The following TMEM131 variants were observed in gnomAD, a reference collection of about 807,000 sequenced individuals.
The protein encoded by TMEM131 is 2610524E03Rik.
A neutral mutation model predicts 211.6 loss-of-function variants in TMEM131; 66 were observed. That is an observed-to-expected ratio of 0.31 (90% CI 0.26 to 0.38). The LOEUF (loss-of-function observed/expected upper bound fraction) is 0.38, where lower values mean the gene tolerates loss of function less well. TMEM131 is among the 10% of genes least tolerant of loss of function. The pLI, the probability that TMEM131 is intolerant of heterozygous loss-of-function variation, is 1.00. For missense variants in TMEM131, 2,036 were observed against 2,299.3 expected (o/e 0.89, Z 2.34); for synonymous variants, 844 against 841.3 (o/e 1.00, Z -0.06).
rs556791344 is a variant in TMEM131 at position 97,985,913 on chromosome 2, G to A, written c.187+9563C>T. On this transcript the variant is annotated intron_variant, in intron 1 of 40. Coordinates refer to ENST00000186436, the MANE Select transcript of TMEM131 (RefSeq NM_015348.2). ...AATATTGGTGAATATATAATCTTTA[G>A]GGGTGTTAAGGTATCAGAAAGGCAG... is the stretch of plus-strand genomic sequence containing the variant. 5.1e-4 allele frequency among the ~76,000 whole-genome samples: 78 copies of A among 151,488 alleles called. 1 individual carries two copies. The highest frequency in any genetic ancestry group is 1.8e-3 in the African/African-American group (74 of 41,304).
At chr2:97,815,415 A>C (rs1020780537) in intron 12 of TMEM131, 108 bp from the exon 13 acceptor site, 5 of 614,824 alleles carry the variant, frequency 8.1e-6, no homozygotes, top group Non-Finnish European at 1.3e-5. Flanking sequence ...TTGAGCTTCC[A>C]AATTGGCCAA....
intron 31 of TMEM131, among the ~76,000 whole-genome samples, chr2:97,780,285 C>T (rs1679935608): frequency 6.6e-6 from 1 of 152,100 alleles, no homozygotes; most frequent in Admixed American, 6.5e-5. Context: ...GCAATTTTAC[C>T]ATCAATCAAT....
chr2:97,850,853 C>G (rs1482952183), intron 5 of TMEM131, among the ~76,000 whole-genome samples: 5 of 152,042 alleles, frequency 3.3e-5, no homozygotes, highest in Admixed American at 3.3e-4. Flanking sequence ...AAACTGGTTT[C>G]CTTTAAGGTT....
chr2:97,892,877 G>A (rs1367219481), intron 3 of TMEM131, among the ~76,000 whole-genome samples: 1 of 151,926 alleles, frequency 6.6e-6, no homozygotes, highest in Non-Finnish European at 1.5e-5. Context: ...TATCCAGTAG[G>A]CCTACTATCA....
intron 11 of TMEM131, among the ~76,000 whole-genome samples, chr2:97,829,650 GC>G (rs914917105): frequency 2.0e-5 from 3 of 152,100 alleles, no homozygotes; most frequent in Admixed American, 2.0e-4. Context: ...TTGTTCTTTC[GC>G]TCTTAATAAA....
At chr2:97,871,596 C>T (rs184936169) in intron 4 of TMEM131, among the ~76,000 whole-genome samples, 6 of 152,270 alleles carry the variant, frequency 3.9e-5, no homozygotes, top group South Asian at 2.1e-4. Flanking sequence ...CTGACTCAAC[C>T]GGTCCTGTGG....
intron 1 of TMEM131, among the ~76,000 whole-genome samples, chr2:97,955,744 T>C (rs1678538010): frequency 6.6e-6 from 1 of 152,128 alleles, no homozygotes; most frequent in Admixed American, 6.5e-5. Flanking sequence ...AAACACCATT[T>C]ACAATCACTC....
rs76783713 is a variant in TMEM131, at chr2:97,851,367, G to C, written c.484-7106C>G. 1.0e-3 allele frequency among the ~76,000 whole-genome samples: 152 copies of C among 152,174 alleles called. 1 individual carries two copies. The highest frequency in any genetic ancestry group is 1.9e-3 in the Non-Finnish European group (126 of 68,002). Reference sequence around the variant, plus strand: ...TCAACTCTGTCCTTCTAGTTGCTCAGGACAAAATTCTAGAGTCAATTTTGA... The same window carrying C: ...TCAACTCTGTCCTTCTAGTTGCTCACGACAAAATTCTAGAGTCAATTTTGA... On this transcript the variant is annotated intron_variant, in intron 5 of 40. Transcript: ENST00000186436.
Position 97,814,108 on chromosome 2 carries a change from G to T in TMEM131, c.1480C>A (p.Pro494Thr). Residue 494 changes from proline (P) to threonine (T), a missense_variant, in exon 15 of 41, where the codon CCT becomes ACT. Around this residue, in one of 3 missense-constraint regions of TMEM131, gnomAD observed 1,623 missense variants for 1,805.9 expected, o/e 0.90. Transcript: ENST00000186436. ...HNFSKPVLILPNESGYIFTLL... is the reference protein window; with the variant it reads ...HNFSKPVLILTNESGYIFTLL... ...GTAAAAATGTATCCTGATTCATTAGGAAGAATTAAGACTGGTTTGCTGAAG... is the reference window on the plus strand; with the variant it reads ...GTAAAAATGTATCCTGATTCATTAGTAAGAATTAAGACTGGTTTGCTGAAG... The T allele has an allele frequency of 1.2e-6, 2 of 1,609,800 alleles. No individual in the cohort carries two copies. The highest frequency in any genetic ancestry group is 1.1e-5 in the South Asian group (1 of 90,484).
chr2:97,773,839 C>T (rs1036906314), intron 32 of TMEM131, among the ~76,000 whole-genome samples: 6 of 152,236 alleles, frequency 3.9e-5, no homozygotes, highest in Non-Finnish European at 5.9e-5. Context: ...TTGCTGAACT[C>T]GCCTGGGGAG....
intron 18 of TMEM131, among the ~76,000 whole-genome samples, chr2:97,810,893 CTAAAGGCA>C (rs999451441): frequency 5.9e-5 from 9 of 152,162 alleles, no homozygotes; most frequent in Admixed American, 6.5e-5. Context: ...TCTAAACGTG[CTAAAGGCA>C]TTCTTCTGAA....
chr2:97,970,428 TC>T (rs1350395791), intron 1 of TMEM131, among the ~76,000 whole-genome samples: 5 of 152,160 alleles, frequency 3.3e-5, no homozygotes, highest in Non-Finnish European at 7.3e-5. Flanking sequence ...TGCAAACATA[TC>T]TGAAAACTAA....
At chr2:97,818,998 A>T (rs1365574288) in intron 11 of TMEM131, among the ~76,000 whole-genome samples, 1 of 152,250 alleles carries the variant, frequency 6.6e-6, no homozygotes, top group Non-Finnish European at 1.5e-5. Flanking sequence ...AAAGCATTTA[A>T]AAAAGGTACT....
chr2:97,952,750 G>A (rs991037097), intron 1 of TMEM131, among the ~76,000 whole-genome samples: 2 of 152,034 alleles, frequency 1.3e-5, no homozygotes, highest in African/African-American at 4.8e-5. Context: ...ATGGTGCTGT[G>A]CATATGTAGT....
At chr2:97,902,314 T>C (rs1315570583) in intron 3 of TMEM131, among the ~76,000 whole-genome samples, 1 of 152,232 alleles carries the variant, frequency 6.6e-6, no homozygotes, top group Non-Finnish European at 1.5e-5. Flanking sequence ...TCTTTTTTTA[T>C]GGCTGTAACA....
chr2:97,861,290 G>C (rs1243254487), intron 4 of TMEM131, among the ~76,000 whole-genome samples: 1 of 151,866 alleles, frequency 6.6e-6, no homozygotes. Context: ...TGAGACATGA[G>C]CTGGGGTGCC....
At chr2:97,771,892 A>G (rs1679484594) in intron 33 of TMEM131, among the ~76,000 whole-genome samples, 1 of 152,238 alleles carries the variant, frequency 6.6e-6, no homozygotes, top group South Asian at 2.1e-4. Flanking sequence ...ATGGAACTCT[A>G]GATCCCAACT....
Position 97,760,161 on chromosome 2 carries a change from AC to A in TMEM131, c.5109-413del, listed in dbSNP as rs556909184. The stretch of plus-strand genomic sequence containing the variant: ...CAAGGTGACTGCTGCAGGCCACCAC[AC>A]CCCCTGCATGATAAACAAGCCTGCT... On this transcript the variant is annotated intron_variant, in intron 38 of 40. Coordinates refer to ENST00000186436, the MANE Select transcript of TMEM131 (RefSeq NM_015348.2). 19 of 258,998 alleles carry A rather than the reference AC, an allele frequency of 7.3e-5. No individual in the cohort carries two copies. In the South Asian group the frequency reaches 1.0e-3, roughly 14 times the overall value. 16.0% of individuals were successfully genotyped at this position (258,998 alleles called of 1,614,324 possible). A position where few individuals can be genotyped will look rare whatever the true frequency, so the allele number is the denominator to read the frequency against.
At position 97,759,012 on chromosome 2, in the gene TMEM131, C is replaced by T. The variant is rs556880035; in HGVS notation, c.5248G>A (p.Ala1750Thr). 2.5e-6 allele frequency: 4 copies of T among 1,614,066 alleles called. No homozygotes were observed. The highest frequency in any genetic ancestry group is 3.3e-4 in the Middle Eastern group (2 of 6,062). Residue 1750 changes from alanine to threonine, a missense_variant, in exon 40 of 41, where the codon GCC (alanine) becomes ACC (threonine). Ala to Thr is a moderately conservative substitution (Grantham distance 58). Coordinates refer to ENST00000186436, the MANE Select transcript of TMEM131 (RefSeq NM_015348.2). ...AACTCGTTCCAGCTCCTCTGTGAGG[C>T]CTGATTGCACGATCGAGATAATCCG... ...KLGLSRSCNQASQRSWNEFNS... is the reference protein window; with the variant it reads ...KLGLSRSCNQTSQRSWNEFNS...
Sources: allele counts gnomAD v4.1 joint callset (sites outside exome capture counted in the v4.1 genomes callset), GRCh38; gene constraint gnomAD v4.1.1; regional missense constraint gnomAD v4.1.1; transcripts MANE v1.5; gene names NCBI Gene and HGNC (gene_info 2026-07-23, HGNC 2026-07-21).